The following DLEU7 variants were observed in gnomAD, a reference collection of about 807,000 sequenced individuals.
DLEU7 encodes the protein leukemia-associated protein 7.
Under a neutral mutation model 16.0 loss-of-function variants are expected in DLEU7, and 17 were observed. The ratio of observed to expected loss-of-function variants is 1.06; its 90% CI spans 0.73 to 1.59. DLEU7 has a LOEUF of 1.59. Among genes scored for constraint, DLEU7 ranks in the 40% most tolerant of loss-of-function variants. The pLI, the probability that DLEU7 is intolerant of heterozygous loss-of-function variation, is 0.00. For missense variants in DLEU7, 308 were observed against 314.9 expected (o/e 0.98, Z 0.17); for synonymous variants, 113 against 139.8 (o/e 0.81, Z 1.35).
At chr13:50,788,509 T>C (rs1330107879) in intron 1 of DLEU7, among the ~76,000 whole-genome samples, 1 of 152,172 alleles carries the variant, frequency 6.6e-6, no homozygotes, top group African/African-American at 2.4e-5. Flanking sequence ...ACACTCTAAA[T>C]ACTGAGCCTC....
rs145485631 is a variant in DLEU7 at position 50,740,874 on chromosome 13, G to A, written c.460-27634C>T. 4.2e-3 allele frequency among the ~76,000 whole-genome samples: 642 copies of A among 152,040 alleles called. 4 individuals carry two copies. The highest frequency in any genetic ancestry group is 0.015 in the African/African-American group (606 of 41,458). On this transcript the variant is annotated intron_variant, in intron 1 of 1. Transcript: ENST00000400393. ...CTTATAAGTGAAAAGCCTTCTGTAC[G>A]CCACACTTTTCTTTTCCATTATCCT...
intron 1 of DLEU7, among the ~76,000 whole-genome samples, chr13:50,785,858 G>A (rs1261318042): frequency 6.6e-6 from 1 of 152,170 alleles, no homozygotes; most frequent in Non-Finnish European, 1.5e-5. Flanking sequence ...TGTGGCCATG[G>A]ATATTCCAGG....
chr13:50,801,457 C>T (rs1876245605), intron 1 of DLEU7, among the ~76,000 whole-genome samples: 2 of 152,160 alleles, frequency 1.3e-5, no homozygotes, highest in African/African-American at 4.8e-5. Context: ...GAGCAGAGAC[C>T]GGTCTACTGT....
At chr13:50,753,659 C>T (rs188886797) in intron 1 of DLEU7, among the ~76,000 whole-genome samples, 7 of 152,320 alleles carry the variant, frequency 4.6e-5, no homozygotes, top group East Asian at 3.9e-4. Flanking sequence ...AAGCACCGTG[C>T]GCAGCCCCAG....
At chr13:50,778,915 A>G (rs902148915) in intron 1 of DLEU7, among the ~76,000 whole-genome samples, 1 of 152,252 alleles carries the variant, frequency 6.6e-6, no homozygotes, top group African/African-American at 2.4e-5. Flanking sequence ...TTAATTTTCT[A>G]TCTTTTTGCA....
chr13:50,720,219 G>A (rs558548777), intron 1 of DLEU7, among the ~76,000 whole-genome samples: 1 of 152,272 alleles, frequency 6.6e-6, no homozygotes, highest in African/African-American at 2.4e-5. Context: ...TCTACTTTGG[G>A]CCAAAGCACA....
chr13:50,832,237 A>C (rs1230231124), intron 1 of DLEU7, among the ~76,000 whole-genome samples: 2 of 152,104 alleles, frequency 1.3e-5, no homozygotes. Flanking sequence ...CTAGGAATTT[A>C]TCAATTTTCT....
chr13:50,781,748 G>T (rs562490809), intron 1 of DLEU7, among the ~76,000 whole-genome samples: 1 of 152,144 alleles, frequency 6.6e-6, no homozygotes, highest in African/African-American at 2.4e-5. Context: ...ACACTAGGAA[G>T]TTGTGATAAT....
chr13:50,735,875 A>C (rs947485781), intron 1 of DLEU7, among the ~76,000 whole-genome samples: 1 of 152,312 alleles, frequency 6.6e-6, no homozygotes, highest in South Asian at 2.1e-4. Context: ...GCAAGGTTGC[A>C]GAGAAAAAGG....
intron 1 of DLEU7, among the ~76,000 whole-genome samples, chr13:50,774,068 C>T (rs528592130): frequency 3.3e-5 from 5 of 152,238 alleles, no homozygotes; most frequent in South Asian, 2.1e-4. Context: ...TGGAACCCAC[C>T]GAGCCAGGCG....
chr13:50,782,810 A>T (rs1301866282), intron 1 of DLEU7, among the ~76,000 whole-genome samples: 1 of 151,792 alleles, frequency 6.6e-6, no homozygotes, highest in Non-Finnish European at 1.5e-5. Flanking sequence ...ATAACTTCTA[A>T]TCATGTCCTT....
At chr13:50,741,400 T>C (rs1181414331) in intron 1 of DLEU7, among the ~76,000 whole-genome samples, 1 of 152,190 alleles carries the variant, frequency 6.6e-6, no homozygotes, top group Non-Finnish European at 1.5e-5. Flanking sequence ...ATGCAGATGA[T>C]TGAGCTCTTT....
chr13:50,822,772 A>T (rs780766526), downstream of DLEU7: 7 of 985,712 alleles, frequency 7.1e-6, no homozygotes, highest in Non-Finnish European at 8.4e-6. Context: ...GCTCAACAGT[A>T]AGTTATTAAT....
At chr13:50,729,394 G>GAT (rs946913102) in intron 1 of DLEU7, among the ~76,000 whole-genome samples, 8 of 152,148 alleles carry the variant, frequency 5.3e-5, no homozygotes, top group South Asian at 2.1e-4. Context: ...AGTATTCCAT[G>GAT]ATATATATGT....
intron 1 of DLEU7, among the ~76,000 whole-genome samples, chr13:50,736,807 G>C (rs1369303229): frequency 6.6e-6 from 1 of 151,822 alleles, no homozygotes; most frequent in African/African-American, 2.4e-5. Context: ...AGAACACAAA[G>C]TATTAATACC....
At position 50,759,428 on chromosome 13, in the gene DLEU7, G is replaced by T. The variant is rs116500299; in HGVS notation, c.460-46188C>A. 7.7e-3 allele frequency among the ~76,000 whole-genome samples: 1,172 copies of T among 152,274 alleles called. 6 individuals are homozygous for T. The highest frequency in any genetic ancestry group is 0.026 in the African/African-American group (1,074 of 41,544). The stretch of plus-strand genomic sequence containing the variant: ...TTTGATTCCATGTGTGTAAACTAGG[G>T]ATGGAACTAAATGTGTGGCAGAAAT... On this transcript the variant is annotated intron_variant, in intron 1 of 1. Transcript: ENST00000400393.
At chr13:50,819,405 G>C (rs967588567), downstream of DLEU7, among the ~76,000 whole-genome samples, 1 of 152,146 alleles carries the variant, frequency 6.6e-6, no homozygotes, top group African/African-American at 2.4e-5. Context: ...GCTATTGGTA[G>C]AGCAGAGACA....
intron 1 of DLEU7, chr13:50,839,974 G>A (rs961168466): frequency 6.6e-6 from 1 of 152,302 alleles, no homozygotes; most frequent in African/African-American, 2.4e-5. Flanking sequence ...TGGAAGAGTA[G>A]GTTTGAAATG....
intron 1 of DLEU7, among the ~76,000 whole-genome samples, chr13:50,800,236 T>C (rs1451663278): frequency 6.6e-6 from 1 of 152,186 alleles, no homozygotes; most frequent in African/African-American, 2.4e-5. Context: ...CATCTGGAAG[T>C]TAAAGCACAT....
Sources: allele counts gnomAD v4.1 joint callset (sites outside exome capture counted in the v4.1 genomes callset), GRCh38; gene constraint gnomAD v4.1.1; transcripts MANE v1.5; gene names NCBI Gene and HGNC (gene_info 2026-07-23, HGNC 2026-07-21).